The following LAMA2 variants were observed in gnomAD, a reference collection of about 807,000 sequenced individuals.
LAMA2 encodes the protein laminin subunit alpha 2, also known as laminin subunit alpha-2.
In LAMA2, 269 loss-of-function variants were observed where a neutral mutation model predicts 364.8. The ratio of observed to expected loss-of-function variants is 0.74; its 90% CI spans 0.67 to 0.82. LAMA2 has a LOEUF of 0.82. Ranked by LOEUF, LAMA2 falls within the 40% of genes least tolerant of loss-of-function variation. The pLI is 0.00. For missense variants in LAMA2, 3,807 were observed against 3,873.2 expected (o/e 0.98, Z 0.45); for synonymous variants, 1,379 against 1,370.6 (o/e 1.01, Z -0.14).
intron 1 of LAMA2, among the ~76,000 whole-genome samples, chr6:128,961,344 T>G (rs1192628144): frequency 3.6e-5 from 3 of 83,848 alleles, no homozygotes; most frequent in Middle Eastern, 5.1e-3. Flanking sequence ...TATATATATA[T>G]ATATATATAT....
At chr6:129,103,433 T>A (rs1295959015) in intron 4 of LAMA2, among the ~76,000 whole-genome samples, 1 of 152,216 alleles carries the variant, frequency 6.6e-6, no homozygotes, top group African/African-American at 2.4e-5. Context: ...AAGTTAGCAT[T>A]GATACATTAT....
At chr6:129,015,399 C>T (rs1785009350) in intron 1 of LAMA2, among the ~76,000 whole-genome samples, 1 of 152,042 alleles carries the variant, frequency 6.6e-6, no homozygotes, top group Admixed American at 6.5e-5. Context: ...TCAACCTCTC[C>T]TCTCCAGTTT....
chr6:128,944,188 T>G (rs145598380), intron 1 of LAMA2, among the ~76,000 whole-genome samples: 3 of 152,330 alleles, frequency 2.0e-5, no homozygotes, highest in African/African-American at 7.2e-5. Flanking sequence ...ATGGTTCACC[T>G]GAGCACACAT....
chr6:129,036,984 G>C (rs1786682323), intron 1 of LAMA2, among the ~76,000 whole-genome samples: 1 of 152,158 alleles, frequency 6.6e-6, no homozygotes, highest in Non-Finnish European at 1.5e-5. Context: ...TCCACATTTT[G>C]CTTTGTGCCA....
At chr6:129,303,190 GT>G (rs1209261939) in intron 22 of LAMA2, among the ~76,000 whole-genome samples, 1 of 151,978 alleles carries the variant, frequency 6.6e-6, no homozygotes, top group Non-Finnish European at 1.5e-5. Context: ...AAATGTATCC[GT>G]TTCATATTTT....
intron 3 of LAMA2, among the ~76,000 whole-genome samples, chr6:129,062,640 G>C (rs1003250063): frequency 1.8e-4 from 28 of 152,094 alleles, no homozygotes; most frequent in African/African-American, 6.0e-4. Context: ...GGATTAATAG[G>C]TTATTCAAAA....
At chr6:129,137,708 A>G (rs901003958) in intron 4 of LAMA2, among the ~76,000 whole-genome samples, 2 of 152,132 alleles carry the variant, frequency 1.3e-5, no homozygotes, top group African/African-American at 2.4e-5. Context: ...GGAAAGAGCT[A>G]ATTCATTGGA....
chr6:129,293,142 G>T (rs772652483), intron 20 of LAMA2: 66 of 938,640 alleles, frequency 7.0e-5, no homozygotes, highest in Non-Finnish European at 8.3e-5. Context: ...TTCCCTGGTG[G>T]CATTTTACCA....
intron 12 of LAMA2, among the ~76,000 whole-genome samples, chr6:129,212,846 T>G (rs1358391890): frequency 6.6e-6 from 1 of 152,200 alleles, no homozygotes; most frequent in Non-Finnish European, 1.5e-5. Context: ...TTAATGTTGT[T>G]TAGTTTGCTG....
intron 1 of LAMA2, among the ~76,000 whole-genome samples, chr6:129,008,664 C>T (rs1253313964): frequency 6.6e-6 from 1 of 152,082 alleles, no homozygotes; most frequent in African/African-American, 2.4e-5. Flanking sequence ...AATATTTCCA[C>T]AAATAAAGGG....
chr6:129,157,582 CTG>C (rs1779188053), intron 8 of LAMA2: 1 of 1,613,018 alleles, frequency 6.2e-7, no homozygotes, highest in South Asian at 1.1e-5. Flanking sequence ...ATTCTCAACG[CTG>C]TGAGTCTGGG....
intron 10 of LAMA2, among the ~76,000 whole-genome samples, chr6:129,188,260 T>G (rs1781345655): frequency 6.6e-6 from 1 of 151,932 alleles, no homozygotes; most frequent in South Asian, 2.1e-4. Context: ...AATGTGTTGC[T>G]TCAGGTTATT....
chr6:129,103,421 A>G (rs554104861), intron 4 of LAMA2, among the ~76,000 whole-genome samples: 30 of 152,350 alleles, frequency 2.0e-4, no homozygotes, highest in African/African-American at 6.0e-4. Context: ...GTTAAAACTA[A>G]GAAGTTAGCA....
chr6:129,240,036 C>T (rs956329714), intron 12 of LAMA2, among the ~76,000 whole-genome samples: 6 of 152,212 alleles, frequency 3.9e-5, no homozygotes, highest in South Asian at 2.1e-4. Flanking sequence ...AGTCTGTGGC[C>T]GAAGGCCCGA....
intron 28 of LAMA2, among the ~76,000 whole-genome samples, chr6:129,323,700 G>A (rs945859805): frequency 2.0e-5 from 3 of 152,098 alleles, no homozygotes; most frequent in South Asian, 2.1e-4. Flanking sequence ...CAGTTGAAAG[G>A]TTATATGCAG....
intron 17 of LAMA2, among the ~76,000 whole-genome samples, chr6:129,275,008 C>A (rs1026691074): frequency 6.6e-6 from 1 of 151,876 alleles, no homozygotes; most frequent in African/African-American, 2.4e-5. Context: ...TCAATAAGTT[C>A]TATCTACTAA....
In LAMA2 at chr6:129,340,969, C is replaced by T. The variant is rs562957142; in HGVS notation, c.4312-1374C>T. Among the ~76,000 whole-genome samples, 148 of 151,734 alleles carry T rather than the reference C, an allele frequency of 9.8e-4. 3 individuals carry two copies. The highest frequency in any genetic ancestry group is 8.5e-3 in the Admixed American group (130 of 15,250). Reference sequence around the variant, plus strand: ...TCACAATATAATTTCAAATATAACACCAAAAATGTAAAAAATAAATGATCT... The same window carrying T: ...TCACAATATAATTTCAAATATAACATCAAAAATGTAAAAAATAAATGATCT... On this transcript the variant is annotated intron_variant, in intron 29 of 64. Coordinates refer to ENST00000421865, the MANE Select transcript of LAMA2 (RefSeq NM_000426.4).
intron 45 of LAMA2, among the ~76,000 whole-genome samples, chr6:129,451,028 C>T (rs1489822108): frequency 6.6e-6 from 1 of 152,132 alleles, no homozygotes; most frequent in Non-Finnish European, 1.5e-5. Flanking sequence ...CCATATTTTT[C>T]CCACCTGCCC....
intron 59 of LAMA2, 96 bp from the exon 60 acceptor site, chr6:129,502,995 C>A: frequency 8.2e-7 from 1 of 1,212,472 alleles, no homozygotes. Context: ...GTTTTACTCT[C>A]CTTTATGAAA....
Sources: gnomAD v4.1 joint callset for allele counts (sites outside exome capture counted in the v4.1 genomes callset) on GRCh38, gnomAD v4.1.1 for gene constraint, MANE v1.5 for transcripts, NCBI Gene and HGNC (gene_info 2026-07-23, HGNC 2026-07-21) for gene names.